Variants in GLCCI1 observed in about 807,000 individuals in gnomAD.
GLCCI1 encodes glucocorticoid induced 1, also known as glucocorticoid-induced transcript 1 protein.
Under a neutral mutation model 52.2 loss-of-function variants are expected in GLCCI1, and 24 were observed. The ratio of observed to expected loss-of-function variants is 0.46; its 90% CI spans 0.33 to 0.65. The LOEUF (loss-of-function observed/expected upper bound fraction) is 0.65, where lower values mean the gene tolerates loss of function less well. Ranked by LOEUF, GLCCI1 falls within the 30% of genes least tolerant of loss-of-function variation. The pLI, the probability that GLCCI1 is intolerant of heterozygous loss-of-function variation, is 0.02. For synonymous variants in GLCCI1, 310 were observed against 276.5 expected (o/e 1.12, Z -1.20); for missense variants, 704 against 701.5 (o/e 1.00, Z -0.04).
intron 2 of GLCCI1, among the ~76,000 whole-genome samples, chr7:8,013,921 C>T (rs1403569949): frequency 6.7e-6 from 1 of 150,148 alleles, no homozygotes; most frequent in Non-Finnish European, 1.5e-5. Context: ...TATGTGTCCT[C>T]TTTTGGAATT....
At position 8,086,658 on chromosome 7, in the gene GLCCI1, A is replaced by C; in HGVS notation, c.*120A>C. 1 of 810,220 alleles carries C rather than the reference A, an allele frequency of 1.2e-6. No homozygotes were observed. Among genetic ancestry groups the C allele is most frequent in the Non-Finnish European group, 1.9e-6 (1 of 514,118 alleles). 50.2% of individuals were successfully genotyped at this position (810,220 alleles called of 1,614,324 possible). On this transcript the variant is annotated 3_prime_UTR_variant, in exon 8 of 8. Transcript: ENST00000223145. This position sits in a 1 kb window ranked among gnomAD's most constrained non-coding sequence, Gnocchi z 4.4. ...ACCAATAATACTTATCAGCATCATA[A>C]AGTATCTCTTAAACACTGATCTTGG...
chr7:8,042,869 T>G (rs939182183), intron 3 of GLCCI1, among the ~76,000 whole-genome samples: 2 of 152,184 alleles, frequency 1.3e-5, no homozygotes, highest in Non-Finnish European at 2.9e-5. Context: ...GACTCCAATT[T>G]TAAAAGAAGT....
At position 7,976,516 on chromosome 7, in the gene GLCCI1, GGA is replaced by G. The variant is rs199939843; in HGVS notation, c.457+6712_457+6713del. On this transcript the variant is annotated intron_variant, in intron 1 of 7. Transcript: ENST00000223145. ...AAAAAAAAGGAAAGGAAAAAGGAAA[GGA>G]GAAAGGAAAAAGGAAATAAAAGAAA... Among the ~76,000 whole-genome samples, 262 of 126,758 alleles carry G rather than the reference GGA, an allele frequency of 2.1e-3. 2 individuals are homozygous for G. Among genetic ancestry groups the G allele is most frequent in the African/African-American group, 7.5e-3 (226 of 30,150 alleles). The allele number at this position is 126,758 out of a possible 152,430, so 83.2% of individuals were successfully genotyped here. A position where few individuals can be genotyped will look rare whatever the true frequency, so the allele number is the denominator to read the frequency against.
At chr7:7,993,197 TG>T (rs796519229) in intron 1 of GLCCI1, among the ~76,000 whole-genome samples, 1 of 152,252 alleles carries the variant, frequency 6.6e-6, no homozygotes, top group African/African-American at 2.4e-5. Flanking sequence ...TGATTTTTTT[TG>T]TACTTTTAAA....
In GLCCI1 at chr7:8,080,195, A is replaced by G. The variant is rs374589901; in HGVS notation, c.1178-4702A>G. On this transcript the variant is annotated intron_variant, in intron 6 of 7. Coordinates refer to ENST00000223145, the MANE Select transcript of GLCCI1 (RefSeq NM_138426.4). ...AGGCCTTCAAACCCCATTATAGTTG[A>G]TAATTTCATTTCCTGAAGCAAAATA... 2.0e-5 allele frequency among the ~76,000 whole-genome samples: 3 copies of G among 151,532 alleles called. No individual in the cohort carries two copies. In the East Asian group the frequency reaches 5.8e-4, roughly 29 times the overall value.
chr7:7,972,842 G>A (rs538912908), intron 1 of GLCCI1, among the ~76,000 whole-genome samples: 1 of 152,054 alleles, frequency 6.6e-6, no homozygotes, highest in South Asian at 2.1e-4. Context: ...AATTTAAATG[G>A]TTACCATAAT....
intron 6 of GLCCI1, among the ~76,000 whole-genome samples, chr7:8,081,852 T>C (rs1232099933): frequency 6.6e-6 from 1 of 152,142 alleles, no homozygotes; most frequent in African/African-American, 2.4e-5. Flanking sequence ...CAGAGTTGAG[T>C]GATTGTTATA....
At chr7:8,070,549 A>G (rs1330970694) in intron 5 of GLCCI1, 2 of 161,468 alleles carry the variant, frequency 1.2e-5, no homozygotes, top group African/African-American at 2.4e-5. Flanking sequence ...CAAGCAAGTC[A>G]AAGTGATTTT....
chr7:8,032,863 C>A (rs1400134681), intron 3 of GLCCI1, among the ~76,000 whole-genome samples: 1 of 151,836 alleles, frequency 6.6e-6, no homozygotes, highest in Admixed American at 6.6e-5. Flanking sequence ...AACTCTTCTT[C>A]TAAAAAATAG....
intron 6 of GLCCI1, among the ~76,000 whole-genome samples, chr7:8,071,891 T>C (rs1007510943): frequency 1.6e-4 from 24 of 152,216 alleles, no homozygotes; most frequent in African/African-American, 5.1e-4. Context: ...GGCAACAAAA[T>C]TGTAAAACTA....
intron 3 of GLCCI1, among the ~76,000 whole-genome samples, chr7:8,031,021 G>T (rs149837276): frequency 6.6e-6 from 1 of 152,190 alleles, no homozygotes; most frequent in East Asian, 1.9e-4. Flanking sequence ...ATATGATCCA[G>T]CAATCCTACT....
intron 5 of GLCCI1, 182 bp from the exon 6 acceptor site, chr7:8,070,739 T>G: frequency 3.5e-6 from 2 of 578,502 alleles, no homozygotes; most frequent in South Asian, 4.1e-5. Context: ...AAAAGAAATG[T>G]TTAGTTCAAT....
chr7:8,063,907 A>G (rs926044639), intron 5 of GLCCI1, among the ~76,000 whole-genome samples: 4 of 152,224 alleles, frequency 2.6e-5, no homozygotes, highest in Admixed American at 6.5e-5. Context: ...AATTACAGGC[A>G]TGAGACATCA....
intron 3 of GLCCI1, among the ~76,000 whole-genome samples, chr7:8,032,967 T>C (rs992280669): frequency 1.3e-5 from 2 of 151,840 alleles, no homozygotes; most frequent in Non-Finnish European, 2.9e-5. Context: ...TAAAACAAGA[T>C]GAATATCCAT....
At chr7:7,995,633 C>T (rs577705281) in intron 1 of GLCCI1, among the ~76,000 whole-genome samples, 3 of 152,268 alleles carry the variant, frequency 2.0e-5, no homozygotes, top group East Asian at 1.9e-4. Context: ...CCATCATTCT[C>T]GGCAAACTAT....
intron 5 of GLCCI1, among the ~76,000 whole-genome samples, chr7:8,061,735 C>T (rs937884918): frequency 7.5e-5 from 10 of 132,824 alleles, no homozygotes; most frequent in Non-Finnish European, 1.1e-4. Flanking sequence ...GGCACCATCT[C>T]GGCTCACTGT....
At chr7:8,082,282 A>G (rs144713375) in intron 6 of GLCCI1, among the ~76,000 whole-genome samples, 4 of 152,314 alleles carry the variant, frequency 2.6e-5, no homozygotes, top group South Asian at 2.1e-4. Flanking sequence ...AAAAATATAT[A>G]TGTAAAATAT....
At chr7:7,992,236 A>G (rs1780856250) in intron 1 of GLCCI1, among the ~76,000 whole-genome samples, 1 of 151,926 alleles carries the variant, frequency 6.6e-6, no homozygotes, top group South Asian at 2.1e-4. Context: ...GAGGGAAACA[A>G]TGTAATTTTA....
chr7:8,028,995 G>A (rs1179249038), intron 3 of GLCCI1, among the ~76,000 whole-genome samples: 1 of 152,076 alleles, frequency 6.6e-6, no homozygotes, highest in Non-Finnish European at 1.5e-5. Context: ...GGACCCAATG[G>A]CTTCACCGCT....
Sources: allele counts gnomAD v4.1 joint callset (sites outside exome capture counted in the v4.1 genomes callset), GRCh38; gene constraint gnomAD v4.1.1; non-coding constraint Gnocchi (gnomAD v3.1); transcripts MANE v1.5; gene names NCBI Gene and HGNC (gene_info 2026-07-23, HGNC 2026-07-21).